The following TMCC2 variants were observed in gnomAD, a reference collection of about 807,000 sequenced individuals.
The protein encoded by TMCC2 is transmembrane and coiled-coil domains protein 2.
TMCC2 carries 16 observed loss-of-function variants against 49.4 expected under a neutral mutation model. That is an observed-to-expected ratio of 0.32 (90% CI 0.22 to 0.49). TMCC2 has a LOEUF of 0.49. Among genes scored for constraint, TMCC2 ranks in the 20% least tolerant of loss-of-function variants. The pLI is 0.99. For missense variants in TMCC2, 762 were observed against 989.8 expected (o/e 0.77, Z 3.09); for synonymous variants, 397 against 434.1 (o/e 0.91, Z 1.06).
In TMCC2 at chr1:205,229,147, G is replaced by A. The variant is rs961494385; in HGVS notation, c.207+376G>A. The A allele has an allele frequency of 3.8e-6, 4 of 1,066,566 alleles. No individual in the cohort carries two copies. In the Admixed American group the frequency reaches 1.8e-4, roughly 49 times the overall value. The allele number at this position is 1,066,566 out of a possible 1,614,324, so 66.1% of individuals were successfully genotyped here. The stretch of plus-strand genomic sequence containing the variant: ...TTGCTGAGTAAGTCTCTACCCATTG[G>A]GATCTTTGTGTGTGTGTGTGTGTGT... On this transcript the variant is annotated intron_variant, in intron 1 of 4. Transcript: ENST00000358024.
chr1:205,244,132 A>G (rs1211246257), intron 2 of TMCC2, among the ~76,000 whole-genome samples: 1 of 151,994 alleles, frequency 6.6e-6, no homozygotes, highest in African/African-American at 2.4e-5. Context: ...GATTAAGGAG[A>G]GGGTGGAAGT....
In TMCC2 at chr1:205,272,984, G is replaced by T. The variant is rs900081173; in HGVS notation, c.*860G>T. The T allele has an allele frequency of 1.3e-5, 2 of 152,356 alleles. No homozygotes were observed. Among genetic ancestry groups the T allele is most frequent in the African/African-American group, 4.8e-5 (2 of 41,420 alleles). 9.4% of individuals were successfully genotyped at this position (152,356 alleles called of 1,614,324 possible). A position where few individuals can be genotyped will look rare whatever the true frequency, so the allele number is the denominator to read the frequency against. On this transcript the variant is annotated 3_prime_UTR_variant, in exon 5 of 5. Coordinates refer to ENST00000358024, the MANE Select transcript of TMCC2 (RefSeq NM_014858.4). ...CTGCCCCATCCTCTCTCTGAAGCCAGGGCCCTTCCATTCCATTTAGCCTTT... is the reference window on the plus strand; with the variant it reads ...CTGCCCCATCCTCTCTCTGAAGCCATGGCCCTTCCATTCCATTTAGCCTTT...
chr1:205,272,882 CTATT>C lies in TMCC2; in HGVS notation c.*772_*775del. ...AGGCCTCTGAGAGTGCTGTTGGGTT[CTATT>C]TATTTATTTATTTGTTCCTTTGTTC... On this transcript the variant is annotated 3_prime_UTR_variant, in exon 5 of 5. Transcript: ENST00000358024. 2 of 152,802 alleles carry C rather than the reference CTATT, an allele frequency of 1.3e-5. No homozygotes were observed. The allele number at this position is 152,802 out of a possible 1,614,324, so 9.5% of individuals were successfully genotyped here. A position where few individuals can be genotyped will look rare whatever the true frequency, so the allele number is the denominator to read the frequency against.
At chr1:205,244,578 G>C (rs890016507) in intron 2 of TMCC2, among the ~76,000 whole-genome samples, 1 of 152,152 alleles carries the variant, frequency 6.6e-6, no homozygotes, top group African/African-American at 2.4e-5. Context: ...TGTTGTAGAG[G>C]CTGGTAATTT....
At chr1:205,237,771 C>T (rs1369849239) in intron 1 of TMCC2, among the ~76,000 whole-genome samples, 1 of 152,194 alleles carries the variant, frequency 6.6e-6, no homozygotes, top group Admixed American at 6.5e-5. Flanking sequence ...TTTCAGAAGC[C>T]ATCTAGTCCT....
intron 2 of TMCC2, among the ~76,000 whole-genome samples, chr1:205,259,408 T>C (rs1661012724): frequency 1.3e-5 from 2 of 152,172 alleles, no homozygotes; most frequent in African/African-American, 4.8e-5. Context: ...GAGCACATGT[T>C]CCTTGCAAAT....
chr1:205,235,932 G>A (rs1488704414), intron 1 of TMCC2, among the ~76,000 whole-genome samples: 2 of 152,098 alleles, frequency 1.3e-5, no homozygotes, highest in Non-Finnish European at 2.9e-5. Flanking sequence ...AGCCAGGCAT[G>A]GTGGTGTGCC....
chr1:205,229,891 G>C (rs1659723490), intron 1 of TMCC2: 4 of 985,328 alleles, frequency 4.1e-6, no homozygotes, highest in Admixed American at 6.1e-5. Flanking sequence ...TGCCGGAACT[G>C]CCACAGGGAC....
chr1:205,267,263 G>A (rs899550899), intron 2 of TMCC2, among the ~76,000 whole-genome samples: 7 of 152,180 alleles, frequency 4.6e-5, no homozygotes, highest in African/African-American at 1.7e-4. Flanking sequence ...TCCTGAGTTT[G>A]GCAGGGCTAT....
intron 2 of TMCC2, among the ~76,000 whole-genome samples, chr1:205,266,058 G>A (rs866050876): frequency 1.4e-5 from 2 of 145,070 alleles, no homozygotes; most frequent in African/African-American, 2.5e-5. Context: ...TGGCTAACAC[G>A]GTGAAACCCC....
rs754920315 is a variant in TMCC2, at chr1:205,241,841, C to T, written c.544C>T (p.Arg182Cys). 1.6e-5 allele frequency: 25 copies of T among 1,599,212 alleles called. No individual in the cohort carries two copies. Among genetic ancestry groups the T allele is most frequent in the South Asian group, 1.2e-4 (11 of 89,648 alleles). ...CGGCAGCAGCGGGAGCAGCAGCCGGCGCACCAAGAGTAGCTCCCTGGAGCC... is the reference window on the plus strand; with the variant it reads ...CGGCAGCAGCGGGAGCAGCAGCCGGTGCACCAAGAGTAGCTCCCTGGAGCC... ...GGGSSGSSSRRTKSSSLEPQR... is the reference protein window; with the variant it reads ...GGGSSGSSSRCTKSSSLEPQR... Residue 182 changes from arginine (R) to cysteine (C), a missense_variant, in exon 2 of 5, where the codon CGC becomes TGC. Arg to Cys is a radical substitution (Grantham distance 180, BLOSUM62 -3). Coordinates refer to ENST00000358024, the MANE Select transcript of TMCC2 (RefSeq NM_014858.4). This position sits in a 1 kb window ranked among gnomAD's most constrained non-coding sequence, Gnocchi z 7.3.
chr1:205,232,609 AG>A (rs1228939285), intron 1 of TMCC2, among the ~76,000 whole-genome samples: 1 of 152,134 alleles, frequency 6.6e-6, no homozygotes, highest in Non-Finnish European at 1.5e-5. Context: ...GGAATACTGC[AG>A]ACAGGGAGCA....
chr1:205,262,579 C>A (rs1486239859), intron 2 of TMCC2, among the ~76,000 whole-genome samples: 1 of 152,234 alleles, frequency 6.6e-6, no homozygotes, highest in African/African-American at 2.4e-5. Flanking sequence ...TTCCTGTTAA[C>A]ATGCAGGGTG....
intron 1 of TMCC2, chr1:205,234,180 TCA>T (rs1300838849): frequency 6.6e-6 from 1 of 152,148 alleles, no homozygotes; most frequent in Non-Finnish European, 1.5e-5. Context: ...GCGTGGTGGC[TCA>T]CACCTGTAAT....
At chr1:205,253,224 A>T (rs1660737743) in intron 2 of TMCC2, among the ~76,000 whole-genome samples, 1 of 142,124 alleles carries the variant, frequency 7.0e-6, no homozygotes, top group African/African-American at 2.5e-5. Flanking sequence ...AAGAGAAAAT[A>T]AAAAAAATAA....
At chr1:205,242,732 G>A (rs949271603) in intron 2 of TMCC2, among the ~76,000 whole-genome samples, 1 of 152,228 alleles carries the variant, frequency 6.6e-6, no homozygotes, top group Non-Finnish European at 1.5e-5. Context: ...AATGGACAGA[G>A]AGATGGGAGC....
chr1:205,245,550 G>A (rs945871915), intron 2 of TMCC2, among the ~76,000 whole-genome samples: 1 of 152,192 alleles, frequency 6.6e-6, no homozygotes, highest in Admixed American at 6.5e-5. Flanking sequence ...CCATCTCCAC[G>A]TACAGTTTTA....
chr1:205,232,595 T>C (rs2102519896), intron 1 of TMCC2, among the ~76,000 whole-genome samples: 1 of 152,040 alleles, frequency 6.6e-6, no homozygotes, highest in East Asian at 1.9e-4. Context: ...AGGTGGGGCT[T>C]AGGGGAATAC....
At chr1:205,246,258 A>C (rs1660447902) in intron 2 of TMCC2, among the ~76,000 whole-genome samples, 1 of 129,110 alleles carries the variant, frequency 7.7e-6, no homozygotes, top group African/African-American at 2.9e-5. Flanking sequence ...AACTGAGTCA[A>C]GGAAGATGGC....
Sources: gnomAD v4.1 joint callset for allele counts (sites outside exome capture counted in the v4.1 genomes callset) on GRCh38, gnomAD v4.1.1 for gene constraint, Gnocchi (gnomAD v3.1) non-coding constraint, MANE v1.5 for transcripts, NCBI Gene and HGNC (gene_info 2026-07-23, HGNC 2026-07-21) for gene names.